Variants in AKNA observed in about 807,000 individuals in gnomAD.
AKNA encodes AT-hook transcription factor, also known as microtubule organization protein AKNA.
A neutral mutation model predicts 138.8 loss-of-function variants in AKNA; 67 were observed. That is an observed-to-expected ratio of 0.48 (90% CI 0.40 to 0.59). The LOEUF (loss-of-function observed/expected upper bound fraction) is 0.59, where lower values mean the gene tolerates loss of function less well. Ranked by LOEUF, AKNA falls within the 20% of genes least tolerant of loss-of-function variation. The pLI is 0.00. For synonymous variants in AKNA, 737 were observed against 754.4 expected (o/e 0.98, Z 0.38); for missense variants, 1,813 against 1,880.4 (o/e 0.96, Z 0.66).
chr9:114,362,581 G>T, intron 7 of AKNA, 48 bp from the exon 8 acceptor site: 1 of 1,589,576 alleles, frequency 6.3e-7, no homozygotes, highest in Non-Finnish European at 8.6e-7. Context: ...GTCCCCGCGG[G>T]GCCTGTCCCT....
intron 14 of AKNA, among the ~76,000 whole-genome samples, chr9:114,351,330 G>A (rs1831105906): frequency 6.6e-6 from 1 of 152,168 alleles, no homozygotes; most frequent in Admixed American, 6.5e-5. Flanking sequence ...TTCTTCACTT[G>A]GGTTCCTCAA....
chr9:114,380,982 A>AG lies in AKNA; in HGVS notation c.274+77_274+78insC, dbSNP rs201072876. The AG allele has an allele frequency of 3.4e-3, 393 of 116,396 alleles. 2 individuals carry two copies. Among genetic ancestry groups the AG allele is most frequent in the African/African-American group, 0.013 (342 of 25,440 alleles). 7.2% of individuals were successfully genotyped at this position (116,396 alleles called of 1,614,324 possible). A position where few individuals can be genotyped will look rare whatever the true frequency, so the allele number is the denominator to read the frequency against. ...TGGCAATGAAGCAAGACTCTGTCTCAAAAAAAAAAAAAAAAAAAAGAACGT... is the reference window on the plus strand; with the variant it reads ...TGGCAATGAAGCAAGACTCTGTCTCAGAAAAAAAAAAAAAAAAAAAGAACGT... On this transcript the variant is annotated intron_variant, in intron 2 of 21. Coordinates refer to ENST00000374088, the MANE Select transcript of AKNA (RefSeq NM_001317950.2).
At position 114,377,354 on chromosome 9, in the gene AKNA, G is replaced by C. The variant is rs1334949347; in HGVS notation, c.453C>G (p.Ser151Arg). 1 of 1,613,926 alleles carries C rather than the reference G, an allele frequency of 6.2e-7. No individual in the cohort carries two copies. Among genetic ancestry groups the C allele is most frequent in the Admixed American group, 1.7e-5 (1 of 59,986 alleles). ...GGCTGGTGTTTCCATGGCCTTCCAA[G>C]CTGAGACCAGCCTCATACCCCAACC... ...SSRLGYEAGL[S>R]LEGHGNTSPM... The change falls in exon 3 of 22, where the codon AGC becomes AGG. Residue 151 changes from serine (S) to arginine (R), a missense_variant. Transcript: ENST00000374088.
intron 1 of AKNA, 132 bp from the exon 2 acceptor site, chr9:114,381,578 G>T: frequency 1.2e-6 from 1 of 861,130 alleles, no homozygotes; most frequent in Non-Finnish European, 1.5e-6. Flanking sequence ...CCGAAGCTGT[G>T]TCACCTTGGG....
chr9:114,395,960 G>A (rs1347426405), upstream of AKNA, among the ~76,000 whole-genome samples: 1 of 152,124 alleles, frequency 6.6e-6, no homozygotes, highest in Non-Finnish European at 1.5e-5. Context: ...CCAGTGAGAA[G>A]CTGTGTGACT....
intron 7 of AKNA, 151 bp downstream of exon 7, chr9:114,364,408 TG>T: frequency 1.3e-6 from 1 of 757,902 alleles, no homozygotes; most frequent in Non-Finnish European, 2.3e-6. Flanking sequence ...ATCGTTATCA[TG>T]GGAAGCTACT....
At chr9:114,365,617 C>CATTTA (rs1405233417) in intron 6 of AKNA, among the ~76,000 whole-genome samples, 1,874 of 151,886 alleles carry the variant, frequency 0.012, 26 homozygotes, top group African/African-American at 0.043. Context: ...TGAGCTACAC[C>CATTTA]ATCTATAATT....
At chr9:114,397,272 G>A (rs944411600), upstream of AKNA, among the ~76,000 whole-genome samples, 1 of 152,204 alleles carries the variant, frequency 6.6e-6, no homozygotes, top group Non-Finnish European at 1.5e-5. Flanking sequence ...CTCTCTAACA[G>A]ATGGGCAGCC....
At chr9:114,374,632 C>T (rs898295361) in intron 3 of AKNA, among the ~76,000 whole-genome samples, 5 of 152,186 alleles carry the variant, frequency 3.3e-5, no homozygotes, top group Admixed American at 3.3e-4. Context: ...AGTCCCATGG[C>T]AGAGAAATAG....
chr9:114,376,951 T>C lies in AKNA; in HGVS notation c.856A>G (p.Arg286Gly). ...ATDRWRRETT[R>G]FFCPQPKEHI... ...TCCTTGGGCTGAGGGCAGAAGAATC[T>C]GGTCGTTTCTCTCCTCCATCTATCT... The change falls in exon 3 of 22, where the codon AGA becomes GGA. Residue 286 changes from arginine to glycine, a missense_variant. Physicochemically the swap from Arg to Gly is moderately radical, Grantham distance 125. Transcript: ENST00000374088. 1.2e-6 allele frequency: 2 copies of C among 1,614,230 alleles called. No homozygotes were observed. The highest frequency in any genetic ancestry group is 1.7e-6 in the Non-Finnish European group (2 of 1,180,032).
intron 14 of AKNA, among the ~76,000 whole-genome samples, chr9:114,351,792 C>G (rs1348654624): frequency 6.6e-6 from 1 of 152,080 alleles, no homozygotes; most frequent in African/African-American, 2.4e-5. Flanking sequence ...AATGGCGACA[C>G]TGCACTGCAG....
intron 1 of AKNA, among the ~76,000 whole-genome samples, chr9:114,382,249 C>T (rs370643248): frequency 3.9e-5 from 6 of 152,244 alleles, no homozygotes; most frequent in South Asian, 2.1e-4. Flanking sequence ...TCCTCTCTGA[C>T]CTCACTGGGG....
chr9:114,337,339 T>C (rs1766785099), intron 21 of AKNA, 33 bp from the exon 22 acceptor site: 13 of 1,399,822 alleles, frequency 9.3e-6, no homozygotes, highest in Non-Finnish European at 1.2e-5. Flanking sequence ...TCGTTACACA[T>C]GGGGAGGGCT....
chr9:114,379,557 C>T (rs2132075195), intron 2 of AKNA, among the ~76,000 whole-genome samples: 1 of 152,332 alleles, frequency 6.6e-6, no homozygotes, highest in Admixed American at 6.5e-5. Context: ...AGTAATGGCA[C>T]AATCCACTAC....
intron 6 of AKNA, among the ~76,000 whole-genome samples, chr9:114,365,999 G>A (rs1490772249): frequency 6.6e-6 from 1 of 152,186 alleles, no homozygotes; most frequent in Non-Finnish European, 1.5e-5. Flanking sequence ...AAGAATGGTG[G>A]TGGCAAAAGG....
chr9:114,394,214 T>G (rs1247058005), intron 1 of AKNA: 1 of 152,184 alleles, frequency 6.6e-6, no homozygotes, highest in Non-Finnish European at 1.5e-5. Flanking sequence ...CACTAGGTAG[T>G]AGAATTATAG....
At chr9:114,358,936 G>A (rs1432132055) in intron 11 of AKNA, among the ~76,000 whole-genome samples, 1 of 152,002 alleles carries the variant, frequency 6.6e-6, no homozygotes, top group African/African-American at 2.4e-5. Flanking sequence ...TAACAAACCT[G>A]CACGTTGTGC....
upstream of AKNA, among the ~76,000 whole-genome samples, chr9:114,390,219 C>A (rs906722777): frequency 3.3e-5 from 5 of 152,164 alleles, no homozygotes; most frequent in Admixed American, 2.6e-4. Context: ...CTTGCACCCC[C>A]AAGCATGACC....
chr9:114,371,377 T>C (rs911643872), intron 4 of AKNA, among the ~76,000 whole-genome samples: 1 of 152,238 alleles, frequency 6.6e-6, no homozygotes, highest in Non-Finnish European at 1.5e-5. Flanking sequence ...CAACTGCAAA[T>C]TATTTAAGAG....
Sources: gnomAD v4.1 joint callset for allele counts (sites outside exome capture counted in the v4.1 genomes callset) on GRCh38, gnomAD v4.1.1 for gene constraint, MANE v1.5 for transcripts, NCBI Gene and HGNC (gene_info 2026-07-23, HGNC 2026-07-21) for gene names.